C11orf97: variants seen among roughly 807,000 people sequenced by gnomAD.
C11orf97 encodes uncharacterized protein C11orf97.
In C11orf97, 15 loss-of-function variants were observed where a neutral mutation model predicts 16.2. The observed-to-expected ratio is 0.93, with a 90% CI of 0.62 to 1.43. The LOEUF is 1.43. Among genes scored for constraint, C11orf97 ranks in the 40% most tolerant of loss-of-function variants. The pLI is 0.00. For synonymous variants in C11orf97, 61 were observed against 65.7 expected (o/e 0.93, Z 0.34); for missense variants, 171 against 161.2 (o/e 1.06, Z -0.33).
chr11:94,523,495 T>A (rs560190), intron 2 of C11orf97, among the ~76,000 whole-genome samples: 43,353 of 152,124 alleles, frequency 0.28, 6,537 homozygotes, highest in Non-Finnish European at 0.33. Context: ...TTTATTGAAC[T>A]TATTGAAGAG....
intron 3 of C11orf97, among the ~76,000 whole-genome samples, chr11:94,531,462 C>CAAAT (rs71036329): frequency 8.4e-5 from 11 of 131,118 alleles, no homozygotes; most frequent in Admixed American, 7.7e-4. Flanking sequence ...AACAAACAAA[C>CAAAT]GGTAATGGTT....
At chr11:94,519,823 T>C (rs536350220) in intron 2 of C11orf97, among the ~76,000 whole-genome samples, 8 of 152,340 alleles carry the variant, frequency 5.3e-5, no homozygotes, top group African/African-American at 1.7e-4. Flanking sequence ...CCACATACCA[T>C]TGGCCAGAAC....
At chr11:94,518,387 A>G (rs774763991) in intron 2 of C11orf97, among the ~76,000 whole-genome samples, 1 of 146,184 alleles carries the variant, frequency 6.8e-6, no homozygotes, top group Non-Finnish European at 1.5e-5. Context: ...TACCCCTAGC[A>G]TATTTGGCAC....
intron 2 of C11orf97, among the ~76,000 whole-genome samples, chr11:94,521,568 G>T (rs78692620): frequency 1.3e-5 from 2 of 152,038 alleles, no homozygotes; most frequent in African/African-American, 4.8e-5. Flanking sequence ...ATGTAACTCC[G>T]TCGTAAGTCG....
At chr11:94,526,642 C>G (rs1476314687) in intron 2 of C11orf97, among the ~76,000 whole-genome samples, 1 of 152,170 alleles carries the variant, frequency 6.6e-6, no homozygotes, top group African/African-American at 2.4e-5. Context: ...GTCATAGGCT[C>G]CTAAATTTGA....
intron 3 of C11orf97, among the ~76,000 whole-genome samples, chr11:94,530,265 C>G (rs937341725): frequency 8.5e-5 from 13 of 152,194 alleles, no homozygotes; most frequent in Non-Finnish European, 1.8e-4. Context: ...CAAGCCCTTA[C>G]AGTGGTCATG....
chr11:94,518,003 G>A (rs980956639), intron 2 of C11orf97, among the ~76,000 whole-genome samples: 4 of 151,982 alleles, frequency 2.6e-5, no homozygotes, highest in African/African-American at 9.7e-5. Flanking sequence ...CAAAAAATTA[G>A]CCGGGTATGG....
chr11:94,520,259 C>T (rs1374789225), intron 2 of C11orf97, among the ~76,000 whole-genome samples: 5 of 152,108 alleles, frequency 3.3e-5, no homozygotes, highest in Admixed American at 3.3e-4. Flanking sequence ...TAGTTGTTTC[C>T]TCCTTCTCTC....
At chr11:94,529,643 T>C (rs1947724119) in intron 3 of C11orf97, among the ~76,000 whole-genome samples, 1 of 152,198 alleles carries the variant, frequency 6.6e-6, no homozygotes, top group South Asian at 2.1e-4. Flanking sequence ...TACAAACCCA[T>C]GTCCATCTGG....
chr11:94,528,150 C>A lies in C11orf97; in HGVS notation c.317C>A (p.Pro106Gln), dbSNP rs753569316. ...LPVGGLKPGL[P>Q]SRNSLLPQAK... is the part of the protein sequence containing the mutation. ...GTGGGAGGCTTGAAGCCAGGACTGC[C>A]GAGCAGAAACAGTTTATTGCCACAA... Residue 106 changes from proline (P) to glutamine (Q), a missense_variant, in exon 3 of 4, where the codon CCG (proline) becomes CAG (glutamine). Transcript: ENST00000542198. 4 of 1,535,802 alleles carry A rather than the reference C, an allele frequency of 2.6e-6. No individual in the cohort carries two copies. The South Asian group carries it at 4.8e-5, about 18-fold the overall frequency.
Position 94,512,652 on chromosome 11 carries a change from C to T in C11orf97, c.124C>T (p.Pro42Ser), listed in dbSNP as rs550968419. 2.1e-4 allele frequency: 263 copies of T among 1,247,368 alleles called. 1 individual carries two copies. The African/African-American group carries it at 3.7e-3, about 18-fold the overall frequency. The allele number at this position is 1,247,368 out of a possible 1,614,324, so 77.3% of individuals were successfully genotyped here. The part of the protein sequence containing the change: ...CGARGEPGRG[P>S]LEHGQQWKKF... ...GGCGCGCGGGGAACCCGGCCGCGGC[C>T]CCCTAGAGCACGGCCAGCAGTGTGA... The change falls in exon 1 of 4, where the codon CCC (proline) becomes TCC (serine). Residue 42 changes from proline (P) to serine (S), a missense_variant. By Grantham distance (74) the Pro-to-Ser change is moderately conservative. Coordinates refer to ENST00000542198, the MANE Select transcript of C11orf97 (RefSeq NM_001190462.2).
chr11:94,520,344 A>T (rs1262217241), intron 2 of C11orf97, among the ~76,000 whole-genome samples: 2 of 152,000 alleles, frequency 1.3e-5, no homozygotes, highest in African/African-American at 4.8e-5. Context: ...CTCTTTAGCT[A>T]TTCTTTCTCC....
rs536194900 is a variant in C11orf97 at position 94,526,759 on chromosome 11, A to G, written c.251-1325A>G. ...GGAAGATTTAGGTTAGATAGAAGGA[A>G]CAGCTTAAACTTTGTAAGGTCTTAA... On this transcript the variant is annotated intron_variant, in intron 2 of 3. Transcript: ENST00000542198. 9.9e-4 allele frequency among the ~76,000 whole-genome samples: 151 copies of G among 152,348 alleles called. 1 individual carries two copies. In the South Asian group the frequency reaches 0.014, roughly 14 times the overall value.
At chr11:94,522,050 A>G (rs1237446211) in intron 2 of C11orf97, among the ~76,000 whole-genome samples, 1 of 152,144 alleles carries the variant, frequency 6.6e-6, no homozygotes, top group Non-Finnish European at 1.5e-5. Flanking sequence ...ACATTCTCCG[A>G]ATCTTGATGT....
chr11:94,529,956 T>C (rs1444773487), intron 3 of C11orf97, among the ~76,000 whole-genome samples: 1 of 152,222 alleles, frequency 6.6e-6, no homozygotes, highest in African/African-American at 2.4e-5. Flanking sequence ...TTGTAGGTAA[T>C]TCCATCATTC....
chr11:94,528,309 C>A, intron 3 of C11orf97, 100 bp downstream of exon 3: 9 of 1,102,718 alleles, frequency 8.2e-6, no homozygotes, highest in Non-Finnish European at 1.2e-6. Flanking sequence ...TCAATCAAAA[C>A]TCAACCTTCC....
chr11:94,524,586 G>GGAA (rs371812693), intron 2 of C11orf97, among the ~76,000 whole-genome samples: 1 of 115,416 alleles, frequency 8.7e-6, no homozygotes, highest in East Asian at 2.5e-4. Context: ...ACCTCATCCT[G>GGAA]AAAAAAAAAA....
intron 2 of C11orf97, among the ~76,000 whole-genome samples, chr11:94,520,293 C>T (rs762570258): frequency 1.3e-5 from 2 of 152,150 alleles, no homozygotes; most frequent in Non-Finnish European, 2.9e-5. Flanking sequence ...TTAGCTTGGC[C>T]TGTAGGTCAC....
chr11:94,514,537 T>G (rs529457814), intron 1 of C11orf97, among the ~76,000 whole-genome samples: 2 of 152,364 alleles, frequency 1.3e-5, no homozygotes, highest in East Asian at 3.9e-4. Flanking sequence ...GAAGTGTGGT[T>G]GTTTGCTTGT....
Sources: allele counts gnomAD v4.1 joint callset (sites outside exome capture counted in the v4.1 genomes callset), GRCh38; gene constraint gnomAD v4.1.1; transcripts MANE v1.5; gene names NCBI Gene and HGNC (gene_info 2026-07-23, HGNC 2026-07-21).